SETDB1: variants seen among roughly 807,000 people sequenced by gnomAD.
SETDB1 encodes the protein SET domain bifurcated histone lysine methyltransferase 1.
In SETDB1, 31 loss-of-function variants were observed where a neutral mutation model predicts 137.4. That is an observed-to-expected ratio of 0.23 (90% CI 0.17 to 0.30). SETDB1 has a LOEUF of 0.30. Among genes scored for constraint, SETDB1 ranks in the 10% least tolerant of loss-of-function variants. The pLI is 1.00. For synonymous variants in SETDB1, 548 were observed against 579.9 expected (o/e 0.95, Z 0.79); for missense variants, 1,113 against 1,631.5 (o/e 0.68, Z 5.47).
intron 3 of SETDB1, among the ~76,000 whole-genome samples, chr1:150,933,755 CTTTTTCTTTTTCTTTTTCTTTTTCT>C (rs1190796104): frequency 9.3e-3 from 101 of 10,812 alleles, no homozygotes; most frequent in African/African-American, 0.015. Context: ...TTTTCTTTTT[CTTTTTCTTTTTCTTTTTCTTTTTCT>C]TTTTTTTTTT....
At chr1:150,959,662 G>C (rs1670759752) in intron 15 of SETDB1, among the ~76,000 whole-genome samples, 1 of 152,154 alleles carries the variant, frequency 6.6e-6, no homozygotes, top group South Asian at 2.1e-4. Flanking sequence ...TTTTAGCATA[G>C]CCCAGTACTC....
At chr1:150,963,768 T>C (rs776023390) in intron 20 of SETDB1, 27 bp downstream of exon 20, 4 of 1,602,208 alleles carry the variant, frequency 2.5e-6, no homozygotes, top group African/African-American at 2.7e-5. Context: ...CACCTCTAGA[T>C]GCTGGATTAT....
chr1:150,938,412 G>A (rs1164036194), intron 3 of SETDB1, among the ~76,000 whole-genome samples: 1 of 152,030 alleles, frequency 6.6e-6, no homozygotes, highest in East Asian at 1.9e-4. Flanking sequence ...TAGGTATGAG[G>A]AAATTTTTGG....
intron 10 of SETDB1, among the ~76,000 whole-genome samples, chr1:150,948,348 G>A (rs1670391130): frequency 6.8e-6 from 1 of 146,322 alleles, no homozygotes; most frequent in African/African-American, 2.5e-5. Flanking sequence ...TCAGCTCACT[G>A]CAACCTCCGC....
intron 8 of SETDB1, among the ~76,000 whole-genome samples, chr1:150,944,211 G>A (rs1281891813): frequency 1.3e-5 from 2 of 152,164 alleles, no homozygotes; most frequent in African/African-American, 2.4e-5. Context: ...CAAAGAGTGA[G>A]ACACTAGAAG....
Position 150,949,520 on chromosome 1 carries a change from A to T in SETDB1, c.1578A>T (p.Thr526=). 1 of 1,613,910 alleles carries T rather than the reference A, an allele frequency of 6.2e-7. No individual in the cohort carries two copies. The highest frequency in any genetic ancestry group is 1.7e-5 in the Admixed American group (1 of 59,968). The change falls in exon 12 of 22, where the codon ACA becomes ACT. Residue 526 remains threonine, a synonymous_variant. Transcript: ENST00000692827. ...VSGGKPGINQ[T]YRSPLGSTAS... is the part of the protein sequence containing the mutation. ...GTGGGAAACCTGGGATCAACCAGACATATAGGTGAGAAAATCTGAGGCTCT... is the reference window on the plus strand; with the variant it reads ...GTGGGAAACCTGGGATCAACCAGACTTATAGGTGAGAAAATCTGAGGCTCT...
intron 1 of SETDB1, 65 bp downstream of exon 1, chr1:150,926,582 AG>A: frequency 2.7e-6 from 1 of 369,240 alleles, no homozygotes; most frequent in Non-Finnish European, 5.2e-6. Flanking sequence ...TGTTTGTGGG[AG>A]GGGGTCGGGC....
chr1:150,943,536 T>G (rs1670227275), intron 7 of SETDB1, among the ~76,000 whole-genome samples: 2 of 151,920 alleles, frequency 1.3e-5, no homozygotes, highest in Non-Finnish European at 1.5e-5. Context: ...ATTAGCTGGG[T>G]GTGGTGGCGC....
rs751459463 is a variant in SETDB1 at position 150,962,684 on chromosome 1, C to T, written c.3259C>T (p.Arg1087Ter). The T allele has an allele frequency of 3.7e-6, 6 of 1,614,020 alleles. No homozygotes were observed. Among genetic ancestry groups the T allele is most frequent in the Non-Finnish European group, 5.1e-6 (6 of 1,179,964 alleles). ...TAGTAAGACTAGTATGCATCAAAGC[C>T]GAAGACTCATGGCTTCTGCTCAGTC... is the stretch of plus-strand genomic sequence containing the variant. ...PPSKTSMHQSRRLMASAQSNP... is the reference protein window; with the variant it reads ...PPSKTSMHQS Residue 1087 changes from arginine to a stop codon, truncating the protein, a stop_gained, in exon 18 of 22, where the codon CGA becomes TGA. Coordinates refer to ENST00000692827, the MANE Select transcript of SETDB1 (RefSeq NM_001366418.1). LOFTEE classifies it high-confidence loss of function.
intron 3 of SETDB1, among the ~76,000 whole-genome samples, chr1:150,938,996 T>C (rs1670043549): frequency 1.3e-5 from 2 of 152,190 alleles, no homozygotes; most frequent in Admixed American, 1.3e-4. Context: ...TGGAGTGCAA[T>C]GGTGCAGTCT....
At chr1:150,962,525 T>C in intron 17 of SETDB1, 62 bp from the exon 18 acceptor site, 1 of 1,569,454 alleles carries the variant, frequency 6.4e-7, no homozygotes, top group Non-Finnish European at 8.8e-7. Context: ...CTCTCAAACC[T>C]AGGCTAGAAG....
chr1:150,934,745 C>T (rs1182575667), intron 3 of SETDB1, among the ~76,000 whole-genome samples: 4 of 152,028 alleles, frequency 2.6e-5, no homozygotes, highest in Admixed American at 6.6e-5. Flanking sequence ...TCCAGCCAGA[C>T]GGTTTCCTTT....
At chr1:150,954,239 C>G (rs941700236) in intron 14 of SETDB1, among the ~76,000 whole-genome samples, 1 of 152,172 alleles carries the variant, frequency 6.6e-6, no homozygotes, top group Non-Finnish European at 1.5e-5. Flanking sequence ...AGAAAGATCA[C>G]TTGAGCCCAG....
chr1:150,953,378 T>G (rs1378887460), intron 14 of SETDB1, among the ~76,000 whole-genome samples: 1 of 145,494 alleles, frequency 6.9e-6, no homozygotes. Flanking sequence ...TACAAAAAAC[T>G]TGCCAGGGAT....
chr1:150,947,150 C>T, intron 10 of SETDB1, 138 bp downstream of exon 10: 1 of 1,002,068 alleles, frequency 1.0e-6, no homozygotes, highest in Non-Finnish European at 1.4e-6. Context: ...GAGTTGTTTC[C>T]AATCATGGTG....
intron 2 of SETDB1, among the ~76,000 whole-genome samples, chr1:150,928,865 A>G (rs756357288): frequency 2.0e-5 from 3 of 151,146 alleles, no homozygotes; most frequent in Admixed American, 6.6e-5. Flanking sequence ...TGTCCTTGCT[A>G]TAGTTTGCTC....
intron 10 of SETDB1, among the ~76,000 whole-genome samples, chr1:150,948,236 A>G (rs992832215): frequency 6.6e-6 from 1 of 151,560 alleles, no homozygotes; most frequent in Non-Finnish European, 1.5e-5. Flanking sequence ...CTATAAAAAG[A>G]AAAAAAAGAG....
intron 10 of SETDB1, among the ~76,000 whole-genome samples, chr1:150,947,669 A>G (rs1195323262): frequency 6.6e-6 from 1 of 152,124 alleles, no homozygotes; most frequent in African/African-American, 2.4e-5. Flanking sequence ...CAGGCTACTC[A>G]AGAAGTTGAG....
Position 150,960,927 on chromosome 1 carries a change from A to C in SETDB1, c.2868A>C (p.Pro956=), listed in dbSNP as rs141535953. The C allele has an allele frequency of 3.7e-6, 6 of 1,601,554 alleles. No individual in the cohort carries two copies. The highest frequency in any genetic ancestry group is 1.7e-5 in the Admixed American group (1 of 59,834). The change falls in exon 16 of 22, where the codon CCA becomes CCC. Residue 956 remains proline (P), a synonymous_variant. Transcript: ENST00000692827. ...KDSHPPDLGP[P]HIPVPPSIPV... is the part of the protein sequence containing the mutation. ...CCCACCCCCCAGATCTTGGACCCCC[A>C]CATATTCCTGTTCCTCCCTCAATCC...
Sources: gnomAD v4.1 joint callset for allele counts (sites outside exome capture counted in the v4.1 genomes callset) on GRCh38, gnomAD v4.1.1 for gene constraint, MANE v1.5 for transcripts, NCBI Gene and HGNC (gene_info 2026-07-23, HGNC 2026-07-21) for gene names.